The following MAGI2 variants were observed in gnomAD, a reference collection of about 807,000 sequenced individuals.
The protein encoded by MAGI2 is membrane-associated guanylate kinase, WW and PDZ domain-containing protein 2.
A neutral mutation model predicts 133.3 loss-of-function variants in MAGI2; 35 were observed. That is an observed-to-expected ratio of 0.26 (90% CI 0.20 to 0.35). The LOEUF (loss-of-function observed/expected upper bound fraction) is 0.35, where lower values mean the gene tolerates loss of function less well. Among genes scored for constraint, MAGI2 ranks in the 10% least tolerant of loss-of-function variants. MAGI2 has a pLI of 1.00. For missense variants in MAGI2, 1,636 were observed against 1,863.4 expected, an observed-to-expected ratio of 0.88 and a Z score of 2.25; for synonymous variants, 729 against 710.6, an observed-to-expected ratio of 1.03 and a Z score of -0.41.
intron 2 of MAGI2, among the ~76,000 whole-genome samples, chr7:78,703,829 CACAA>C (rs35503879): frequency 0.22 from 25,504 of 114,126 alleles, 2,631 homozygotes; most frequent in East Asian, 0.6. Flanking sequence ...CACATACACA[CACAA>C]ACACACACAC....
intron 1 of MAGI2, among the ~76,000 whole-genome samples, chr7:79,271,564 T>A (rs1834879100): frequency 6.6e-6 from 1 of 152,124 alleles, no homozygotes; most frequent in South Asian, 2.1e-4. Flanking sequence ...TAAAAACAAT[T>A]TTTCTTAGAG....
intron 10 of MAGI2, among the ~76,000 whole-genome samples, chr7:78,230,146 T>C (rs992868370): frequency 6.6e-6 from 1 of 152,244 alleles, no homozygotes; most frequent in Non-Finnish European, 1.5e-5. Flanking sequence ...TGTGCTCATC[T>C]CATCATGCCT....
At chr7:79,084,715 C>T (rs1816334985) in intron 1 of MAGI2, among the ~76,000 whole-genome samples, 1 of 151,590 alleles carries the variant, frequency 6.6e-6, no homozygotes, top group African/African-American at 2.4e-5. Flanking sequence ...TAAGTTATGT[C>T]CATTTTTGAA....
chr7:78,929,005 G>T (rs1799914543), intron 2 of MAGI2, among the ~76,000 whole-genome samples: 1 of 151,888 alleles, frequency 6.6e-6, no homozygotes, highest in Admixed American at 6.6e-5. Context: ...CTTAAAAAGA[G>T]CAATGCTATA....
At position 78,161,947 on chromosome 7, in the gene MAGI2, G is replaced by A. The variant is rs568959809; in HGVS notation, c.2597-1674C>T. Among the ~76,000 whole-genome samples the A allele has an allele frequency of 5.9e-5, 9 of 152,240 alleles. No individual in the cohort carries two copies. The East Asian group carries it at 1.5e-3, about 26-fold the overall frequency. ...TCAAAGCCTTTCTTTCTGTTCAAAT[G>A]GAATTTAAAGCTTCGCTTGTAAAAT... On this transcript the variant is annotated intron_variant, in intron 15 of 21. Coordinates refer to ENST00000354212, the MANE Select transcript of MAGI2 (RefSeq NM_012301.4).
intron 7 of MAGI2, among the ~76,000 whole-genome samples, chr7:78,363,320 C>G (rs1302475655): frequency 6.6e-6 from 1 of 152,046 alleles, no homozygotes. Flanking sequence ...GGTGAAACCC[C>G]ATCTCTACTA....
At chr7:79,293,103 T>C (rs1166509375) in intron 1 of MAGI2, among the ~76,000 whole-genome samples, 1 of 152,194 alleles carries the variant, frequency 6.6e-6, no homozygotes, top group Non-Finnish European at 1.5e-5. Flanking sequence ...CAGTTGTTTT[T>C]TGTTCTGGTC....
At chr7:78,848,719 T>C (rs554789895) in intron 2 of MAGI2, among the ~76,000 whole-genome samples, 49 of 152,050 alleles carry the variant, frequency 3.2e-4, no homozygotes, top group Non-Finnish European at 2.8e-4. Flanking sequence ...CTGTTTCCTC[T>C]AGTTTCAAGG....
intron 6 of MAGI2, among the ~76,000 whole-genome samples, chr7:78,394,052 T>C (rs909222626): frequency 6.6e-6 from 1 of 152,118 alleles, no homozygotes; most frequent in Non-Finnish European, 1.5e-5. Context: ...GGTGAACTGA[T>C]GGTATAACTC....
At chr7:79,268,781 C>A (rs1528281) in intron 1 of MAGI2, among the ~76,000 whole-genome samples, 94,344 of 151,918 alleles carry the variant, frequency 0.62, 30,429 homozygotes, top group Non-Finnish European at 0.7. Context: ...ACTGTCAACA[C>A]CACCAGAAAG....
chr7:78,540,277 T>G (rs1798305190), intron 3 of MAGI2, among the ~76,000 whole-genome samples: 1 of 152,094 alleles, frequency 6.6e-6, no homozygotes, highest in Non-Finnish European at 1.5e-5. Context: ...GGGGATGGGG[T>G]GTGGTTCTCA....
intron 1 of MAGI2, among the ~76,000 whole-genome samples, chr7:79,032,345 C>T (rs191329190): frequency 1.1e-4 from 17 of 151,928 alleles, no homozygotes; most frequent in African/African-American, 3.4e-4. Flanking sequence ...GGTGAAACCC[C>T]GTCTCTACTA....
intron 6 of MAGI2, among the ~76,000 whole-genome samples, chr7:78,401,187 CAAA>C (rs34587769): frequency 6.7e-6 from 1 of 148,480 alleles, no homozygotes; most frequent in Admixed American, 6.7e-5. Context: ...CACCAACAAC[CAAA>C]AAAAAAAATC....
At chr7:79,066,666 G>C (rs1814370229) in intron 1 of MAGI2, among the ~76,000 whole-genome samples, 1 of 152,068 alleles carries the variant, frequency 6.6e-6, no homozygotes, top group Non-Finnish European at 1.5e-5. Context: ...TGGTGTTTTA[G>C]TCATTAAGTC....
intron 2 of MAGI2, among the ~76,000 whole-genome samples, chr7:78,918,786 A>C (rs950094514): frequency 6.6e-6 from 1 of 152,162 alleles, no homozygotes; most frequent in African/African-American, 2.4e-5. Context: ...ATATAACCTC[A>C]TTCATTAAGG....
At chr7:78,891,503 A>G (rs1017084250) in intron 2 of MAGI2, among the ~76,000 whole-genome samples, 5 of 152,242 alleles carry the variant, frequency 3.3e-5, no homozygotes, top group Admixed American at 3.3e-4. Context: ...AACCAAATCC[A>G]GCAGCACATC....
intron 10 of MAGI2, among the ~76,000 whole-genome samples, chr7:78,207,872 G>T (rs969937122): frequency 4.6e-5 from 7 of 151,980 alleles, no homozygotes; most frequent in Non-Finnish European, 1.0e-4. Flanking sequence ...CATTTTTGTT[G>T]TTGTTGTTGT....
chr7:78,899,604 G>A (rs1797457517), intron 2 of MAGI2, among the ~76,000 whole-genome samples: 1 of 150,724 alleles, frequency 6.6e-6, no homozygotes, highest in South Asian at 2.1e-4. Flanking sequence ...TATAATGTGT[G>A]TACTGCAGAG....
chr7:79,372,162 C>T (rs576108621), intron 1 of MAGI2, among the ~76,000 whole-genome samples: 3 of 152,152 alleles, frequency 2.0e-5, no homozygotes, highest in Non-Finnish European at 4.4e-5. Flanking sequence ...AGCAGACCAA[C>T]GCATGGGAGA....
Sources: gnomAD v4.1 joint callset for allele counts (sites outside exome capture counted in the v4.1 genomes callset) on GRCh38, gnomAD v4.1.1 for gene constraint, MANE v1.5 for transcripts, NCBI Gene and HGNC (gene_info 2026-07-23, HGNC 2026-07-21) for gene names.